The following LMTK2 variants were observed in gnomAD, a reference collection of about 807,000 sequenced individuals.
LMTK2 encodes lemur tail kinase 2, also known as serine/threonine-protein kinase LMTK2.
A neutral mutation model predicts 127.5 loss-of-function variants in LMTK2; 37 were observed. The ratio of observed to expected loss-of-function variants is 0.29; its 90% confidence interval spans 0.22 to 0.38. The LOEUF is 0.38. Ranked by LOEUF, LMTK2 falls within the 10% of genes least tolerant of loss-of-function variation. The pLI is 1.00. For missense variants in LMTK2, 1,694 were observed against 1,920.3 expected (o/e 0.88, Z 2.20); for synonymous variants, 819 against 810.1 (o/e 1.01, Z -0.19).
At chr7:98,127,469 A>G (rs1280734307) in intron 1 of LMTK2, among the ~76,000 whole-genome samples, 2 of 152,212 alleles carry the variant, frequency 1.3e-5, no homozygotes, top group African/African-American at 4.8e-5. Flanking sequence ...ATTTTCAAGT[A>G]GGCACAGAAT....
At chr7:98,143,945 A>T (rs994568562) in intron 3 of LMTK2, among the ~76,000 whole-genome samples, 1 of 152,220 alleles carries the variant, frequency 6.6e-6, no homozygotes, top group African/African-American at 2.4e-5. Context: ...ATGTGTTCCT[A>T]TAAAAGGATC....
At chr7:98,173,612 T>C (rs1484622168) in intron 7 of LMTK2, among the ~76,000 whole-genome samples, 1 of 152,228 alleles carries the variant, frequency 6.6e-6, no homozygotes, top group East Asian at 1.9e-4. Context: ...ATTTTTTAAA[T>C]TGGCAAAGAT....
Position 98,192,433 on chromosome 7 carries a change from A to G in LMTK2, c.1968A>G (p.Glu656=). The change falls in exon 11 of 14, where the codon GAA becomes GAG. Residue 656 remains glutamate, a synonymous_variant. Transcript: ENST00000297293. ...ACCAAAAAATATTCGACTTAATGGA[A>G]TTAAACGGAGTTCAAGCCGACTTTA... ...PSHQKIFDLM[E]LNGVQADFKP... The G allele has an allele frequency of 6.2e-7, 1 of 1,612,850 alleles. No individual in the cohort carries two copies. Among genetic ancestry groups the G allele is most frequent in the Non-Finnish European group, 8.5e-7 (1 of 1,179,776 alleles).
intron 3 of LMTK2, 51 bp downstream of exon 3, chr7:98,141,592 T>A (rs754737682): frequency 6.5e-7 from 1 of 1,542,230 alleles, no homozygotes; most frequent in Non-Finnish European, 8.9e-7. Context: ...TTCTGAGATC[T>A]GAGAATGGGA....
At position 98,192,141 on chromosome 7, in the gene LMTK2, G is replaced by T; in HGVS notation, c.1676G>T (p.Ser559Ile). ...TATTATATCCAGTTAGAAGAAAAAA[G>T]TGGTAGTAACTTGGAGCTTGATTAC... is the stretch of plus-strand genomic sequence containing the variant. ...SDYYIQLEEK[S>I]GSNLELDYPP... The change falls in exon 11 of 14, where the codon AGT becomes ATT. Residue 559 changes from serine (S) to isoleucine (I), a missense_variant. Transcript: ENST00000297293. The T allele has an allele frequency of 6.5e-7, 1 of 1,531,566 alleles. No individual in the cohort carries two copies. The highest frequency in any genetic ancestry group is 1.3e-5 in the South Asian group (1 of 76,174). The allele number at this position is 1,531,566 out of a possible 1,614,324, so 94.9% of individuals were successfully genotyped here. A position where few individuals can be genotyped will look rare whatever the true frequency, so the allele number is the denominator to read the frequency against.
At chr7:98,111,312 A>G (rs1364864813) in intron 1 of LMTK2, among the ~76,000 whole-genome samples, 1 of 152,270 alleles carries the variant, frequency 6.6e-6, no homozygotes. Flanking sequence ...TATAATTTTA[A>G]AAAGACACTG....
intron 4 of LMTK2, among the ~76,000 whole-genome samples, chr7:98,151,964 G>A (rs1256021933): frequency 1.3e-5 from 2 of 151,976 alleles, no homozygotes; most frequent in Non-Finnish European, 2.9e-5. Context: ...CAGACATTTC[G>A]ATCATAACAA....
At chr7:98,118,838 A>G (rs1470332544) in intron 1 of LMTK2, among the ~76,000 whole-genome samples, 4 of 152,180 alleles carry the variant, frequency 2.6e-5, no homozygotes, top group Non-Finnish European at 5.9e-5. Context: ...CATGCCTGTA[A>G]TCCCAACACT....
In LMTK2 at chr7:98,143,393, C is replaced by G. The variant is rs560625363; in HGVS notation, c.376+1852C>G. 2.0e-5 allele frequency among the ~76,000 whole-genome samples: 3 copies of G among 152,218 alleles called. No homozygotes were observed. In the East Asian group the frequency reaches 5.8e-4, roughly 29 times the overall value. On this transcript the variant is annotated intron_variant, in intron 3 of 13. Coordinates refer to ENST00000297293, the MANE Select transcript of LMTK2 (RefSeq NM_014916.4). ...GAAAAAGACACCACACACAAATTGA[C>G]AGAGTCGCAAAAAATATTTGTGAAC... is the stretch of plus-strand genomic sequence containing the variant.
In LMTK2 at chr7:98,155,705, G is replaced by A. The variant is rs138997705; in HGVS notation, c.569+829G>A. On this transcript the variant is annotated intron_variant, in intron 5 of 13. Coordinates refer to ENST00000297293, the MANE Select transcript of LMTK2 (RefSeq NM_014916.4). ...GAGAAAATATCCTTCAGGAATGAAG[G>A]GGAATATCAAGACATTCTCAGATGA... Among the ~76,000 whole-genome samples the A allele has an allele frequency of 1.7e-3, 250 of 151,172 alleles. 1 individual carries two copies. In the East Asian group the frequency reaches 0.028, roughly 17 times the overall value.
chr7:98,118,792 T>G (rs946283016), intron 1 of LMTK2, among the ~76,000 whole-genome samples: 5 of 152,158 alleles, frequency 3.3e-5, no homozygotes, highest in African/African-American at 1.2e-4. Context: ...ACCTAGGTAT[T>G]TGTAGAAATG....
chr7:98,153,332 GGGAGAAGCCCA>G (rs1270590470), intron 4 of LMTK2, among the ~76,000 whole-genome samples: 2 of 152,192 alleles, frequency 1.3e-5, no homozygotes, highest in African/African-American at 4.8e-5. Context: ...GCAGTGAGGA[GGGAGAAGCCCA>G]GGAGACAGGA....
rs544464378 is a variant in LMTK2, at chr7:98,143,296, A to G, written c.376+1755A>G. On this transcript the variant is annotated intron_variant, in intron 3 of 13. Coordinates refer to ENST00000297293, the MANE Select transcript of LMTK2 (RefSeq NM_014916.4). Reference sequence around the variant, plus strand: ...TGGGATACGAGAGGCCTTTCCAAGCATGCACCAAATCCAGAATCCATAAAG... The same window carrying G: ...TGGGATACGAGAGGCCTTTCCAAGCGTGCACCAAATCCAGAATCCATAAAG... Among the ~76,000 whole-genome samples, 24 of 152,344 alleles carry G rather than the reference A, an allele frequency of 1.6e-4. No homozygotes were observed. In the South Asian group the frequency reaches 4.8e-3, roughly 30 times the overall value.
At chr7:98,159,198 G>A (rs1276725249) in intron 5 of LMTK2, 140 bp from the exon 6 acceptor site, 4 of 500,462 alleles carry the variant, frequency 8.0e-6, no homozygotes, top group Admixed American at 3.8e-5. Flanking sequence ...TTTTTAGCCT[G>A]TCATTTATGT....
At chr7:98,124,793 A>AT (rs964613117) in intron 1 of LMTK2, among the ~76,000 whole-genome samples, 33 of 151,922 alleles carry the variant, frequency 2.2e-4, no homozygotes, top group Non-Finnish European at 4.3e-4. Flanking sequence ...TCTAAAAAAA[A>AT]AATAATAATA....
intron 1 of LMTK2, among the ~76,000 whole-genome samples, chr7:98,124,446 C>T (rs1796414596): frequency 6.6e-6 from 1 of 151,856 alleles, no homozygotes; most frequent in Non-Finnish European, 1.5e-5. Flanking sequence ...GCCAGGAGTT[C>T]AAGACAAGCC....
intron 11 of LMTK2, among the ~76,000 whole-genome samples, chr7:98,198,656 A>C (rs1797666415): frequency 6.6e-6 from 1 of 151,954 alleles, no homozygotes; most frequent in Non-Finnish European, 1.5e-5. Context: ...GTGCCTGGCT[A>C]ATTTTTGTAT....
chr7:98,197,357 G>A lies in LMTK2; in HGVS notation c.4107+2785G>A, dbSNP rs185587663. Among the ~76,000 whole-genome samples the A allele has an allele frequency of 4.7e-3, 709 of 152,316 alleles. 1 individual carries two copies. Among genetic ancestry groups the A allele is most frequent in the Non-Finnish European group, 7.5e-3 (509 of 68,022 alleles). ...GGGCTTGACCCAAGTCTCCTGGACC[G>A]AGCACAGAACTTTTCACCACTGAGC... is the stretch of plus-strand genomic sequence containing the variant. On this transcript the variant is annotated intron_variant, in intron 11 of 13. Coordinates refer to ENST00000297293, the MANE Select transcript of LMTK2 (RefSeq NM_014916.4).
At chr7:98,200,970 GT>G (rs201081690) in intron 11 of LMTK2, among the ~76,000 whole-genome samples, 1,832 of 152,010 alleles carry the variant, frequency 0.012, 16 homozygotes, top group Admixed American at 0.02. Flanking sequence ...GATGTTCTAG[GT>G]TTCCTTCTGG....
Sources: gnomAD v4.1 joint callset for allele counts (sites outside exome capture counted in the v4.1 genomes callset) on GRCh38, gnomAD v4.1.1 for gene constraint, MANE v1.5 for transcripts, NCBI Gene and HGNC (gene_info 2026-07-23, HGNC 2026-07-21) for gene names.